Variants in UBXN2B observed in about 807,000 individuals in gnomAD.
UBXN2B encodes UBX domain protein 2B, also known as UBX domain-containing protein 2B.
In UBXN2B, 19 loss-of-function variants were observed where a neutral mutation model predicts 37.5. That is an observed-to-expected ratio of 0.51 (90% CI 0.35 to 0.74). The LOEUF is 0.74. Ranked by LOEUF, UBXN2B falls within the 30% of genes least tolerant of loss-of-function variation. The probability of loss-of-function intolerance (pLI) is 0.01; values close to 1 mark genes in which losing one functional copy is unlikely to be tolerated. For missense variants in UBXN2B, 370 were observed against 393.2 expected (o/e 0.94, Z 0.50); for synonymous variants, 145 against 143.8 (o/e 1.01, Z -0.06).
chr8:58,436,284 A>G (rs191567365), intron 5 of UBXN2B, among the ~76,000 whole-genome samples: 59 of 152,362 alleles, frequency 3.9e-4, no homozygotes, highest in African/African-American at 1.4e-3. Context: ...AGTGGACTTT[A>G]CTTCCTGGAG....
intron 1 of UBXN2B, among the ~76,000 whole-genome samples, chr8:58,415,164 G>A (rs1359222113): frequency 6.6e-6 from 1 of 151,912 alleles, no homozygotes; most frequent in Non-Finnish European, 1.5e-5. Context: ...AATGTCATTG[G>A]GGGTATTACG....
intron 2 of UBXN2B, chr8:58,426,770 AG>A (rs1252648010): frequency 3.2e-6 from 2 of 625,894 alleles, no homozygotes; most frequent in African/African-American, 3.6e-5. Context: ...GGCCCGAGGG[AG>A]GCCCGCTCGG....
chr8:58,437,913 A>AGAAAGCCTT (rs1808454664), intron 5 of UBXN2B, among the ~76,000 whole-genome samples: 1 of 151,904 alleles, frequency 6.6e-6, no homozygotes. Context: ...GATGATGGGA[A>AGAAAGCCTT]GAAAGCCTTG....
chr8:58,427,229 G>A (rs986017796), intron 2 of UBXN2B, among the ~76,000 whole-genome samples: 2 of 152,212 alleles, frequency 1.3e-5, no homozygotes, highest in African/African-American at 2.4e-5. Flanking sequence ...AGCACTTTGG[G>A]AGGCTGAAGC....
At chr8:58,436,976 T>C (rs1261387625) in intron 5 of UBXN2B, among the ~76,000 whole-genome samples, 4 of 152,184 alleles carry the variant, frequency 2.6e-5, no homozygotes, top group African/African-American at 9.7e-5. Flanking sequence ...AGGGCATTGC[T>C]CTAAAGATAC....
At chr8:58,420,988 A>G (rs954584825) in intron 2 of UBXN2B, among the ~76,000 whole-genome samples, 4 of 152,248 alleles carry the variant, frequency 2.6e-5, no homozygotes, top group African/African-American at 4.8e-5. Context: ...CAGAAAATAA[A>G]AACTGCACTG....
chr8:58,432,609 C>G (rs1438082615), intron 3 of UBXN2B, among the ~76,000 whole-genome samples: 3 of 152,058 alleles, frequency 2.0e-5, no homozygotes, highest in African/African-American at 7.2e-5. Flanking sequence ...GTCTCGATCT[C>G]CTGACCTCGT....
At chr8:58,425,155 A>G (rs555663951) in intron 2 of UBXN2B, 13 of 866,734 alleles carry the variant, frequency 1.5e-5, no homozygotes, top group African/African-American at 1.3e-4. Context: ...CCCTTGCCCA[A>G]CCTTTGAAAG....
intron 6 of UBXN2B, among the ~76,000 whole-genome samples, chr8:58,442,918 T>C (rs1385556499): frequency 6.6e-6 from 1 of 152,240 alleles, no homozygotes. Context: ...ACCTGAGATT[T>C]GACTTCATCT....
chr8:58,438,033 C>T (rs1585615373), intron 5 of UBXN2B, among the ~76,000 whole-genome samples: 3 of 152,002 alleles, frequency 2.0e-5, no homozygotes, highest in African/African-American at 4.8e-5. Flanking sequence ...CCCAGCTGCC[C>T]TGTGCAGCCT....
At chr8:58,427,323 CGTG>C in intron 2 of UBXN2B, among the ~76,000 whole-genome samples, 1 of 152,194 alleles carries the variant, frequency 6.6e-6, no homozygotes, top group Admixed American at 6.5e-5. Flanking sequence ...AATAGCCAAG[CGTG>C]GTGGTGCACG....
In UBXN2B at chr8:58,451,398, A is replaced by G. The variant is rs565514957; in HGVS notation, c.*3847A>G. The G allele has an allele frequency of 3.3e-5, 5 of 152,312 alleles. No individual in the cohort carries two copies. Among genetic ancestry groups the G allele is most frequent in the Non-Finnish European group, 5.9e-5 (4 of 68,030 alleles). The allele number at this position is 152,312 out of a possible 1,614,324, so 9.4% of individuals were successfully genotyped here. ...TAATCATCTCAAAAAAGATGTCACA[A>G]TGAACAGACAACCATCTGTGAGGTC... is the stretch of plus-strand genomic sequence containing the variant. On this transcript the variant is annotated 3_prime_UTR_variant, in exon 8 of 8. Coordinates refer to ENST00000399598, the MANE Select transcript of UBXN2B (RefSeq NM_001077619.2).
intron 1 of UBXN2B, among the ~76,000 whole-genome samples, chr8:58,415,219 G>A (rs1758247627): frequency 1.3e-5 from 2 of 151,988 alleles, no homozygotes; most frequent in Non-Finnish European, 2.9e-5. Flanking sequence ...GATTAGAAAA[G>A]GTTTTGTGAA....
chr8:58,414,859 G>A (rs1372352329), intron 1 of UBXN2B, among the ~76,000 whole-genome samples: 3 of 151,980 alleles, frequency 2.0e-5, no homozygotes, highest in East Asian at 1.9e-4. Context: ...ATTCCATGGG[G>A]CTAGTGGCAT....
chr8:58,419,244 A>G (rs2129603753), intron 2 of UBXN2B, among the ~76,000 whole-genome samples: 1 of 152,334 alleles, frequency 6.6e-6, no homozygotes, highest in Non-Finnish European at 1.5e-5. Flanking sequence ...TCTAATGCTA[A>G]GTGTATACTT....
intron 2 of UBXN2B, among the ~76,000 whole-genome samples, chr8:58,417,812 A>C (rs1481104925): frequency 6.6e-6 from 1 of 152,184 alleles, no homozygotes; most frequent in East Asian, 1.9e-4. Context: ...GCACGCATGT[A>C]TTCTCTCTCT....
At chr8:58,437,756 T>G (rs1043613838) in intron 5 of UBXN2B, among the ~76,000 whole-genome samples, 1 of 152,148 alleles carries the variant, frequency 6.6e-6, no homozygotes, top group African/African-American at 2.4e-5. Context: ...GCAGAGCCCG[T>G]TGAAGTTTGG....
At chr8:58,414,658 A>G (rs1273766796) in intron 1 of UBXN2B, among the ~76,000 whole-genome samples, 1 of 152,082 alleles carries the variant, frequency 6.6e-6, no homozygotes, top group East Asian at 1.9e-4. Flanking sequence ...AATAATATAA[A>G]TTAAATTTCT....
rs1433210539 is a variant in UBXN2B, at chr8:58,448,939, G to C, written c.*1388G>C. The C allele has an allele frequency of 6.6e-6, 1 of 152,110 alleles. No individual in the cohort carries two copies. The highest frequency in any genetic ancestry group is 2.4e-5 in the African/African-American group (1 of 41,426). 9.4% of individuals were successfully genotyped at this position (152,110 alleles called of 1,614,324 possible). A position where few individuals can be genotyped will look rare whatever the true frequency, so the allele number is the denominator to read the frequency against. Reference sequence around the variant, plus strand: ...GGTGCCAAGATCAATTTGTTGGCAGGGTTGCATTCTGTTAGGAGGCTCTAC... The same window carrying C: ...GGTGCCAAGATCAATTTGTTGGCAGCGTTGCATTCTGTTAGGAGGCTCTAC... On this transcript the variant is annotated 3_prime_UTR_variant, in exon 8 of 8. Coordinates refer to ENST00000399598, the MANE Select transcript of UBXN2B (RefSeq NM_001077619.2).
Sources: allele counts gnomAD v4.1 joint callset (sites outside exome capture counted in the v4.1 genomes callset), GRCh38; gene constraint gnomAD v4.1.1; transcripts MANE v1.5; gene names NCBI Gene and HGNC (gene_info 2026-07-23, HGNC 2026-07-21).